The following FRMPD3 variants were observed in gnomAD, a reference collection of about 807,000 sequenced individuals.
FRMPD3 encodes the protein FERM and PDZ domain containing 3.
FRMPD3 carries 42 observed loss-of-function variants against 97.9 expected under a neutral mutation model. The observed-to-expected ratio is 0.43, with a 90% confidence interval of 0.34 to 0.55. The LOEUF (loss-of-function observed/expected upper bound fraction) is 0.55. FRMPD3 is among the 20% of genes least tolerant of loss of function. The pLI, the probability that FRMPD3 is intolerant of heterozygous loss-of-function variation, is 0.03. For synonymous variants in FRMPD3, 577 were observed against 581.1 expected (o/e 0.99, Z 0.10); for missense variants, 1,303 against 1,457.7 (o/e 0.89, Z 1.73).
At chrX:107,545,468 T>A in intron 4 of FRMPD3, 1 of 234,055 alleles carries the variant, frequency 4.3e-6, no homozygotes, top group Non-Finnish European at 7.6e-6. Flanking sequence ...ACTAAAGAAC[T>A]TTTGCAAACT....
chrX:107,531,060 A>G, intron 3 of FRMPD3, among the ~76,000 whole-genome samples: 1 of 109,245 alleles, frequency 9.2e-6, no homozygotes, highest in Middle Eastern at 4.7e-3. Context: ...CACTGTTTGT[A>G]CATGGAGAGT....
At chrX:107,495,278 C>T (rs889250977) in intron 1 of FRMPD3, among the ~76,000 whole-genome samples, 2 of 111,343 alleles carry the variant, frequency 1.8e-5, no homozygotes, top group Non-Finnish European at 3.8e-5. Context: ...CTCAGTGGGG[C>T]CTTTCCTGAC....
At chrX:107,450,088 C>G (rs1413310052) in intron 1 of FRMPD3, among the ~76,000 whole-genome samples, 83 bp downstream of exon 1, 2 of 110,247 alleles carry the variant, frequency 1.8e-5, no homozygotes, top group Admixed American at 9.4e-5. Flanking sequence ...CGTTCCGCCC[C>G]GGGCCGGCTG....
chrX:107,550,205 A>C (rs762952929), intron 6 of FRMPD3, 49 bp downstream of exon 6: 2 of 854,376 alleles, frequency 2.3e-6, no homozygotes, highest in Admixed American at 2.5e-5. Context: ...TCCAGAGTAC[A>C]TGCAGTTGTG....
chrX:107,528,124 A>G (rs988761275), intron 2 of FRMPD3, among the ~76,000 whole-genome samples: 13 of 111,353 alleles, frequency 1.2e-4, no homozygotes, highest in African/African-American at 3.9e-4. Context: ...GAAAATCCCC[A>G]GGCACGAACC....
At chrX:107,550,362 G>A (rs1209788824) in intron 6 of FRMPD3, among the ~76,000 whole-genome samples, 1 of 112,086 alleles carries the variant, frequency 8.9e-6, no homozygotes, top group Non-Finnish European at 1.9e-5. Context: ...CCAACTGTGT[G>A]CTAGTAATTG....
intron 3 of FRMPD3, among the ~76,000 whole-genome samples, chrX:107,530,958 C>T (rs991385272): frequency 4.5e-5 from 5 of 111,074 alleles, no homozygotes; most frequent in African/African-American, 1.6e-4. Flanking sequence ...AGGAAGAGAA[C>T]CTCCCAATGT....
chrX:107,518,674 A>G (rs1000521692), intron 1 of FRMPD3, among the ~76,000 whole-genome samples: 1 of 112,464 alleles, frequency 8.9e-6, no homozygotes, highest in African/African-American at 3.2e-5. Context: ...GGAAAACAGT[A>G]TGATGATTCC....
chrX:107,504,142 G>A (rs1921977475), intron 1 of FRMPD3, among the ~76,000 whole-genome samples: 1 of 112,801 alleles, frequency 8.9e-6, no homozygotes, highest in Non-Finnish European at 1.9e-5. Flanking sequence ...AGCCGCAAGA[G>A]GAACAGGCTC....
intron 8 of FRMPD3, among the ~76,000 whole-genome samples, chrX:107,559,113 G>A (rs373764725): frequency 1.2e-3 from 126 of 107,118 alleles, no homozygotes; most frequent in African/African-American, 4.0e-3. Flanking sequence ...GATTACAGGC[G>A]CCCGCCACCA....
intron 1 of FRMPD3, among the ~76,000 whole-genome samples, chrX:107,459,242 T>G (rs1304273121): frequency 8.9e-6 from 1 of 112,386 alleles, no homozygotes; most frequent in Non-Finnish European, 1.9e-5. Flanking sequence ...CTGTGTCTGG[T>G]CTGTTTCAAG....
In FRMPD3 at chrX:107,563,137, G is replaced by T; in HGVS notation, c.1053G>T (p.Gln351His). Residue 351 changes from glutamine to histidine, a missense_variant, in exon 11 of 15, where the codon CAG (glutamine) becomes CAT (histidine). Around this residue, in one of 3 missense-constraint regions of FRMPD3, gnomAD observed 535 missense variants for 618.6 expected, o/e 0.86. Transcript: ENST00000683843. ...TKGSAIQAKL[Q>H]YLRILNELPT... is the part of the protein sequence containing the mutation. ...GCTCTGCAATTCAGGCAAAGCTCCA[G>T]TATCTACGAATTCTGAATGAACTTC... The T allele has an allele frequency of 8.3e-7, 1 of 1,210,349 alleles. No individual in the cohort carries two copies. The highest frequency in any genetic ancestry group is 2.2e-5 in the Admixed American group (1 of 46,049).
At position 107,601,415 on chromosome X, in the gene FRMPD3, C is replaced by A; in HGVS notation, c.3376C>A (p.Arg1126=). ...GCTCGAAGAGACCAGCCTGGTTCCC[C>A]GAGCTACCTACCCCATGGCTCTGCA... ...SKLEETSLVP[R]ATYPMALQSP... is the part of the protein sequence containing the mutation. Residue 1126 remains arginine, a synonymous_variant, in exon 15 of 15, where the codon CGA becomes AGA. Transcript: ENST00000683843. 1 of 1,192,071 alleles carries A rather than the reference C, an allele frequency of 8.4e-7. No homozygotes were observed. The highest frequency in any genetic ancestry group is 1.7e-5 in the African/African-American group (1 of 57,314).
chrX:107,520,478 A>C (rs1232658195), intron 1 of FRMPD3, among the ~76,000 whole-genome samples: 1 of 105,051 alleles, frequency 9.5e-6, no homozygotes, highest in Middle Eastern at 4.8e-3. Context: ...TGTCTCTACT[A>C]AAAATACAAA....
chrX:107,548,396 G>A (rs774200146), intron 5 of FRMPD3, among the ~76,000 whole-genome samples: 1 of 112,351 alleles, frequency 8.9e-6, no homozygotes, highest in East Asian at 2.8e-4. Context: ...TATCTCTGCA[G>A]CTTTTCCATT....
At chrX:107,552,365 T>C (rs193061703) in intron 6 of FRMPD3, among the ~76,000 whole-genome samples, 14 of 112,710 alleles carry the variant, frequency 1.2e-4, no homozygotes, top group Non-Finnish European at 7.5e-5. Flanking sequence ...TTTGCTTTTG[T>C]TCATTCCTAA....
chrX:107,584,225 C>T (rs945389896), intron 13 of FRMPD3, among the ~76,000 whole-genome samples: 25 of 110,763 alleles, frequency 2.3e-4, no homozygotes, highest in Admixed American at 1.4e-3. Context: ...GTTCGTTGGC[C>T]GCGTAAATGT....
chrX:107,580,661 A>G (rs1923341584), intron 13 of FRMPD3, among the ~76,000 whole-genome samples: 1 of 111,687 alleles, frequency 9.0e-6, no homozygotes, highest in East Asian at 2.8e-4. Flanking sequence ...GGACCTGTGG[A>G]CAATGTCTTG....
chrX:107,516,888 C>A (rs1036395906), intron 1 of FRMPD3, among the ~76,000 whole-genome samples: 1 of 111,344 alleles, frequency 9.0e-6, no homozygotes, highest in African/African-American at 3.3e-5. Flanking sequence ...TAATTAGATC[C>A]CATTTGTCAA....
Sources: gnomAD v4.1 joint callset for allele counts (sites outside exome capture counted in the v4.1 genomes callset) on GRCh38, gnomAD v4.1.1 for gene constraint, gnomAD v4.1.1 regional missense constraint, MANE v1.5 for transcripts, NCBI Gene and HGNC (gene_info 2026-07-23, HGNC 2026-07-21) for gene names.